Variants in RPA3 observed in about 807,000 individuals in gnomAD.
RPA3 encodes replication protein A 14 kDa subunit.
RPA3 carries 24 observed loss-of-function variants against 13.7 expected under a neutral mutation model. That is an observed-to-expected ratio of 1.75 (90% CI 1.27 to 2.46). The LOEUF (loss-of-function observed/expected upper bound fraction) is 2.46. Ranked by LOEUF, RPA3 falls within the 30% of genes most tolerant of loss-of-function variation. The pLI is 0.00. For missense variants in RPA3, 183 were observed against 151.0 expected (o/e 1.21, Z -1.11); for synonymous variants, 59 against 51.2 (o/e 1.15, Z -0.65).
intron 4 of RPA3, among the ~76,000 whole-genome samples, chr7:7,682,355 G>A (rs1779932547): frequency 1.3e-5 from 2 of 152,116 alleles, no homozygotes; most frequent in Non-Finnish European, 2.9e-5. Flanking sequence ...AAATAAGTGA[G>A]TTATTTTTAA....
chr7:7,715,642 TGAAAATAAAGATCCACAAATTTCCA>T (rs201465082), intron 1 of RPA3, among the ~76,000 whole-genome samples: 2 of 152,206 alleles, frequency 1.3e-5, no homozygotes, highest in East Asian at 3.9e-4. Flanking sequence ...TTTTTAAAAA[TGAAAATAAAGATCCACAAATTTCCA>T]GAAAAAAATG....
At chr7:7,649,363 C>G (rs978092981) in intron 4 of RPA3, among the ~76,000 whole-genome samples, 21 of 151,920 alleles carry the variant, frequency 1.4e-4, no homozygotes, top group African/African-American at 4.8e-4. Context: ...AACTACTCCC[C>G]CAATAACTTA....
intron 2 of RPA3, among the ~76,000 whole-genome samples, chr7:7,688,913 T>C (rs183997441): frequency 1.2e-4 from 18 of 152,340 alleles, no homozygotes; most frequent in Non-Finnish European, 7.3e-5. Context: ...TTTTCTCCAA[T>C]GAAAATAAGT....
At chr7:7,655,614 A>G (rs1302121204) in intron 4 of RPA3, among the ~76,000 whole-genome samples, 2 of 152,192 alleles carry the variant, frequency 1.3e-5, no homozygotes, top group African/African-American at 4.8e-5. Context: ...GGCTGAAAGC[A>G]TCTATAAGGT....
chr7:7,648,867 GAAA>G, intron 4 of RPA3, among the ~76,000 whole-genome samples: 1 of 141,530 alleles, frequency 7.1e-6, no homozygotes. Flanking sequence ...AAGAAAGAAA[GAAA>G]AAAAAAGGCC....
At chr7:7,678,101 C>T (rs925094018) in intron 4 of RPA3, among the ~76,000 whole-genome samples, 6 of 151,250 alleles carry the variant, frequency 4.0e-5, no homozygotes, top group Non-Finnish European at 8.8e-5. Context: ...GGGTATGTAC[C>T]CAGCAATAGA....
intron 4 of RPA3, among the ~76,000 whole-genome samples, chr7:7,668,815 T>TA (rs1779533967): frequency 6.6e-6 from 1 of 152,228 alleles, no homozygotes; most frequent in African/African-American, 2.4e-5. Context: ...AGTTAAGTGC[T>TA]ACAGCTGGCC....
rs939464602 is a variant in RPA3 at position 7,640,483 on chromosome 7, G to A, written c.-65C>T. On this transcript the variant is annotated 5_prime_UTR_variant, in exon 5 of 8. Transcript: ENST00000223129. Reference sequence around the variant, plus strand: ...ACGACTGAAACTGTGCGCCCCGCGGGTGTCTATGGGGCAGATTTCTCGGCA... The same window carrying A: ...ACGACTGAAACTGTGCGCCCCGCGGATGTCTATGGGGCAGATTTCTCGGCA... The A allele has an allele frequency of 8.9e-6, 13 of 1,464,434 alleles. No individual in the cohort carries two copies. The African/African-American group carries it at 1.2e-4, about 14-fold the overall frequency. The allele number at this position is 1,464,434 out of a possible 1,614,324, so 90.7% of individuals were successfully genotyped here.
chr7:7,640,102 G>T, intron 5 of RPA3: 1 of 571,982 alleles, frequency 1.7e-6, no homozygotes. Context: ...CTGGAATTTA[G>T]AACTCAGCAT....
chr7:7,707,204 C>T (rs943466389), intron 2 of RPA3, among the ~76,000 whole-genome samples: 8 of 152,154 alleles, frequency 5.3e-5, no homozygotes, highest in Admixed American at 6.6e-5. Flanking sequence ...GAATACTGGT[C>T]TGTACAGCAA....
Position 7,669,133 on chromosome 7 carries a change from G to A in RPA3, c.-758+16697C>T, listed in dbSNP as rs182642865. Among the ~76,000 whole-genome samples, 699 of 152,126 alleles carry A rather than the reference G, an allele frequency of 4.6e-3. 5 individuals are homozygous for A. The highest frequency in any genetic ancestry group is 0.025 in the South Asian group (122 of 4,812). On this transcript the variant is annotated intron_variant, in intron 4 of 7. Transcript: ENST00000223129. Reference sequence around the variant, plus strand: ...TTAAAATGAAGCAACATTACTTGGGGGAACCTTTTGTATAGGAAAAAACAT... The same window carrying A: ...TTAAAATGAAGCAACATTACTTGGGAGAACCTTTTGTATAGGAAAAAACAT...
At chr7:7,678,544 GATAA>G (rs1246187631) in intron 4 of RPA3, among the ~76,000 whole-genome samples, 1 of 125,288 alleles carries the variant, frequency 8.0e-6, no homozygotes, top group African/African-American at 3.1e-5. Context: ...TTAATTTATA[GATAA>G]ATATATATTT....
At chr7:7,704,895 TA>T (rs1780560750) in intron 2 of RPA3, among the ~76,000 whole-genome samples, 1 of 150,820 alleles carries the variant, frequency 6.6e-6, no homozygotes, top group Admixed American at 6.7e-5. Flanking sequence ...TTGGGTAAAG[TA>T]AAATAGGCCT....
At chr7:7,652,051 C>A (rs961634868) in intron 4 of RPA3, among the ~76,000 whole-genome samples, 3 of 152,110 alleles carry the variant, frequency 2.0e-5, no homozygotes, top group Non-Finnish European at 4.4e-5. Flanking sequence ...GAAATCTAGT[C>A]CTGTAAGACT....
intron 2 of RPA3, among the ~76,000 whole-genome samples, chr7:7,707,523 A>G (rs77523964): frequency 7.0e-4 from 107 of 152,328 alleles, no homozygotes; most frequent in African/African-American, 2.5e-3. Flanking sequence ...TGATTTTGTA[A>G]AAGTGAAATT....
chr7:7,704,044 A>G (rs1286680380), intron 2 of RPA3, among the ~76,000 whole-genome samples: 3 of 152,204 alleles, frequency 2.0e-5, no homozygotes, highest in Non-Finnish European at 4.4e-5. Context: ...TCAAGGAGAT[A>G]CTTTGATGGA....
chr7:7,645,534 A>G (rs1785073369), intron 4 of RPA3, among the ~76,000 whole-genome samples: 1 of 152,164 alleles, frequency 6.6e-6, no homozygotes. Flanking sequence ...AGAGAAGTGG[A>G]CCCGCATTCA....
At chr7:7,695,225 G>C (rs1398882340) in intron 2 of RPA3, among the ~76,000 whole-genome samples, 1 of 152,128 alleles carries the variant, frequency 6.6e-6, no homozygotes, top group Non-Finnish European at 1.5e-5. Flanking sequence ...GAAAATCACT[G>C]TTGCTGCCAA....
Position 7,636,946 on chromosome 7 carries a change from C to A in RPA3, c.*54G>T. 1 of 1,282,766 alleles carries A rather than the reference C, an allele frequency of 7.8e-7. No homozygotes were observed. Among genetic ancestry groups the A allele is most frequent in the Non-Finnish European group, 1.1e-6 (1 of 888,590 alleles). 79.5% of individuals were successfully genotyped at this position (1,282,766 alleles called of 1,614,324 possible). A position where few individuals can be genotyped will look rare whatever the true frequency, so the allele number is the denominator to read the frequency against. On this transcript the variant is annotated 3_prime_UTR_variant, in exon 8 of 8. Coordinates refer to ENST00000223129, the MANE Select transcript of RPA3 (RefSeq NM_002947.5). The stretch of plus-strand genomic sequence containing the variant: ...TCTCTCCCTCAAACAAGAAGGGCTT[C>A]CTTTAATAGACTTTAATATAGCTCA...
Sources: gnomAD v4.1 joint callset for allele counts (sites outside exome capture counted in the v4.1 genomes callset) on GRCh38, gnomAD v4.1.1 for gene constraint, MANE v1.5 for transcripts, NCBI Gene and HGNC (gene_info 2026-07-23, HGNC 2026-07-21) for gene names.